CHST9: variants seen among roughly 807,000 people sequenced by gnomAD.
CHST9 encodes the protein GalNAc-4-sulfotransferase 2.
Under a neutral mutation model 44.4 loss-of-function variants are expected in CHST9, and 41 were observed. The ratio of observed to expected loss-of-function variants is 0.92; its 90% CI spans 0.72 to 1.20. The LOEUF (loss-of-function observed/expected upper bound fraction) is 1.20, where lower values mean the gene tolerates loss of function less well. Ranked by LOEUF, CHST9 falls within the 50% of genes most tolerant of loss-of-function variation. The pLI is 0.00. For synonymous variants in CHST9, 171 were observed against 178.4 expected (o/e 0.96, Z 0.33); for missense variants, 504 against 516.5 (o/e 0.98, Z 0.23).
chr18:27,077,673 T>C (rs1187465558), intron 2 of CHST9, among the ~76,000 whole-genome samples: 6 of 152,224 alleles, frequency 3.9e-5, no homozygotes. Context: ...TATCTTTTTA[T>C]CTACACCTCT....
chr18:26,918,522 A>G (rs1364515938), intron 5 of CHST9, among the ~76,000 whole-genome samples: 2 of 148,928 alleles, frequency 1.3e-5, no homozygotes, highest in Non-Finnish European at 3.0e-5. Flanking sequence ...TATATATAGT[A>G]CATATATATG....
At position 26,916,101 on chromosome 18, in the gene CHST9, G is replaced by C; in HGVS notation, c.*158C>G. 1.7e-6 allele frequency: 1 copy of C among 584,192 alleles called. No homozygotes were observed. Among genetic ancestry groups the C allele is most frequent in the Non-Finnish European group, 3.0e-6 (1 of 338,738 alleles). 36.2% of individuals were successfully genotyped at this position (584,192 alleles called of 1,614,324 possible). On this transcript the variant is annotated 3_prime_UTR_variant, in exon 6 of 6. Coordinates refer to ENST00000618847, the MANE Select transcript of CHST9 (RefSeq NM_031422.6). ...CTGTAGGTGATTTTCCTATAACTTTGTGCCAATTGGTGTCATACTATTTGG... is the reference window on the plus strand; with the variant it reads ...CTGTAGGTGATTTTCCTATAACTTTCTGCCAATTGGTGTCATACTATTTGG...
chr18:26,919,233 C>T (rs766508424), intron 5 of CHST9, among the ~76,000 whole-genome samples: 7 of 152,134 alleles, frequency 4.6e-5, no homozygotes, highest in Non-Finnish European at 8.8e-5. Context: ...CATATCACCC[C>T]CTGAAACGGC....
At chr18:26,976,454 G>T (rs1262339754) in intron 4 of CHST9, among the ~76,000 whole-genome samples, 1 of 152,120 alleles carries the variant, frequency 6.6e-6, no homozygotes, top group Non-Finnish European at 1.5e-5. Context: ...ATGAAGTCAG[G>T]TCTCCGGACA....
intron 3 of CHST9, among the ~76,000 whole-genome samples, chr18:27,030,867 T>C (rs2057333332): frequency 1.3e-5 from 2 of 152,172 alleles, no homozygotes; most frequent in Non-Finnish European, 2.9e-5. Context: ...TCCCTCACCT[T>C]CACCTATACA....
intron 1 of CHST9, among the ~76,000 whole-genome samples, chr18:27,162,827 C>T (rs1196370007): frequency 6.6e-6 from 1 of 152,212 alleles, no homozygotes; most frequent in Non-Finnish European, 1.5e-5. Context: ...AAGTCATTCT[C>T]CATCCAGCTT....
intron 2 of CHST9, among the ~76,000 whole-genome samples, chr18:27,064,187 T>A (rs1053248998): frequency 1.3e-5 from 2 of 151,194 alleles, no homozygotes; most frequent in African/African-American, 4.9e-5. Flanking sequence ...TGATAATAGA[T>A]AGAGAAAAGA....
At chr18:27,094,625 G>C (rs1321295382) in intron 2 of CHST9, among the ~76,000 whole-genome samples, 2 of 152,104 alleles carry the variant, frequency 1.3e-5, no homozygotes, top group Non-Finnish European at 2.9e-5. Context: ...AGAGATTTCA[G>C]GAACAACTTG....
intron 2 of CHST9, among the ~76,000 whole-genome samples, chr18:27,093,860 C>T (rs1406912732): frequency 6.8e-6 from 1 of 147,724 alleles, no homozygotes; most frequent in Admixed American, 6.9e-5. Flanking sequence ...ATAGCTGTTC[C>T]TCTTCAGCCA....
intron 2 of CHST9, among the ~76,000 whole-genome samples, chr18:27,111,864 C>T (rs545931949): frequency 6.6e-6 from 1 of 152,050 alleles, no homozygotes; most frequent in Non-Finnish European, 1.5e-5. Flanking sequence ...CATTGCTCTT[C>T]TGCCCTTGAC....
intron 2 of CHST9, among the ~76,000 whole-genome samples, chr18:27,110,684 T>G (rs1267146607): frequency 2.0e-5 from 3 of 152,164 alleles, no homozygotes; most frequent in Non-Finnish European, 2.9e-5. Context: ...GTATGACATG[T>G]CTCCCAGCAG....
intron 4 of CHST9, among the ~76,000 whole-genome samples, chr18:26,973,460 G>A (rs556077721): frequency 2.0e-5 from 3 of 152,348 alleles, no homozygotes; most frequent in African/African-American, 7.2e-5. Context: ...CATAAAAGCT[G>A]GAGAAGGTGT....
chr18:27,159,470 C>G (rs59484394), intron 1 of CHST9, among the ~76,000 whole-genome samples: 5,884 of 152,118 alleles, frequency 0.039, 371 homozygotes, highest in African/African-American at 0.13. Flanking sequence ...TGGTCTATAT[C>G]TCTGTTTTGG....
At chr18:27,041,871 A>G (rs1316063389) in intron 3 of CHST9, among the ~76,000 whole-genome samples, 1 of 152,160 alleles carries the variant, frequency 6.6e-6, no homozygotes, top group East Asian at 1.9e-4. Flanking sequence ...CCCAAGTGTA[A>G]GTCTTCCATT....
chr18:27,157,373 TAA>T lies in CHST9; in HGVS notation c.-96-14470_-96-14469del, dbSNP rs1412106096. Among the ~76,000 whole-genome samples the T allele has an allele frequency of 9.2e-5, 14 of 152,270 alleles. No homozygotes were observed. In the East Asian group the frequency reaches 2.5e-3, roughly 27 times the overall value. ...TGAAATTAATATGATTTGTTTCTTA[TAA>T]AGTTTGTGAGCCATGAACTCATTGC... On this transcript the variant is annotated intron_variant, in intron 1 of 5. Transcript: ENST00000618847.
At chr18:27,050,344 C>T (rs2057550899) in intron 2 of CHST9, among the ~76,000 whole-genome samples, 1 of 152,130 alleles carries the variant, frequency 6.6e-6, no homozygotes. Context: ...TGTATGAACA[C>T]CACGGTGGAG....
intron 2 of CHST9, among the ~76,000 whole-genome samples, chr18:27,077,753 T>C (rs2057919353): frequency 6.6e-6 from 1 of 152,196 alleles, no homozygotes; most frequent in Admixed American, 6.5e-5. Flanking sequence ...ATCTTGCTCA[T>C]ATAAAGACAG....
chr18:27,002,044 A>T (rs1024424613), intron 4 of CHST9, among the ~76,000 whole-genome samples: 3 of 152,052 alleles, frequency 2.0e-5, no homozygotes, highest in Admixed American at 6.5e-5. Flanking sequence ...AGATTGACAA[A>T]GTAAAAAAAA....
chr18:27,121,648 T>C (rs942206645), intron 2 of CHST9, among the ~76,000 whole-genome samples: 2 of 152,164 alleles, frequency 1.3e-5, no homozygotes, highest in African/African-American at 4.8e-5. Flanking sequence ...CCAGTGGGTA[T>C]CTTTGATGTC....
Sources: allele counts gnomAD v4.1 joint callset (sites outside exome capture counted in the v4.1 genomes callset), GRCh38; gene constraint gnomAD v4.1.1; transcripts MANE v1.5; gene names NCBI Gene and HGNC (gene_info 2026-07-23, HGNC 2026-07-21).